CDK10: variants seen among roughly 807,000 people sequenced by gnomAD.
CDK10 encodes cyclin-dependent kinase 10.
CDK10 carries 55 observed loss-of-function variants against 51.0 expected under a neutral mutation model. The ratio of observed to expected loss-of-function variants is 1.08; its 90% CI spans 0.87 to 1.35. The LOEUF is 1.35. Among genes scored for constraint, CDK10 ranks in the 40% most tolerant of loss-of-function variants. CDK10 has a pLI of 0.00. For missense variants in CDK10, 589 were observed against 485.1 expected (o/e 1.21, Z -2.01); for synonymous variants, 255 against 199.1 (o/e 1.28, Z -2.36).
At chr16:89,693,604 G>A in intron 8 of CDK10, 137 bp downstream of exon 8, 1 of 836,614 alleles carries the variant, frequency 1.2e-6, no homozygotes, top group Non-Finnish European at 1.9e-6. Flanking sequence ...AGAAACGTTG[G>A]GTCTAGGACA....
intron 1 of CDK10, 151 bp downstream of exon 1, chr16:89,686,948 C>G (rs1419235362): frequency 3.1e-6 from 2 of 647,474 alleles, no homozygotes; most frequent in African/African-American, 2.0e-5. Context: ...GGGGCGGAAG[C>G]CGGGGCGGGG....
At chr16:89,694,851 CCGCCCG>C in intron 10 of CDK10, 63 bp downstream of exon 10, 2 of 1,517,654 alleles carry the variant, frequency 1.3e-6, no homozygotes, top group African/African-American at 1.4e-5. Context: ...CCCGCAGCCC[CCGCCCG>C]TGCCCACGCC....
At chr16:89,686,958 G>T in intron 1 of CDK10, 161 bp downstream of exon 1, 1 of 604,224 alleles carries the variant, frequency 1.7e-6, no homozygotes, top group Non-Finnish European at 2.8e-6. Flanking sequence ...CCGGGGCGGG[G>T]CGGGCTCAGG....
At chr16:89,693,494 C>T (rs757964939) in intron 8 of CDK10, 27 bp downstream of exon 8, 6 of 1,610,938 alleles carry the variant, frequency 3.7e-6, no homozygotes, top group Non-Finnish European at 4.2e-6. Flanking sequence ...CATGGTGGCC[C>T]CTGGGGACCA....
intron 2 of CDK10, 35 bp downstream of exon 2, chr16:89,689,359 T>G (rs750540521): frequency 1.3e-6 from 2 of 1,589,282 alleles, no homozygotes; most frequent in East Asian, 4.5e-5. Context: ...TGGCCGCAGC[T>G]CGTGGCTGTG....
At chr16:89,692,560 G>C (rs2060499659) in intron 6 of CDK10, 44 bp downstream of exon 6, 1 of 1,474,354 alleles carries the variant, frequency 6.8e-7, no homozygotes, top group African/African-American at 1.4e-5. Context: ...ATTCGGCTGA[G>C]GCCTAACTCT....
At chr16:89,694,082 C>T (rs1208609820) in intron 8 of CDK10, 91 bp from the exon 9 acceptor site, 7 of 1,333,416 alleles carry the variant, frequency 5.2e-6, no homozygotes, top group African/African-American at 2.9e-5. Flanking sequence ...GTTTCCAGGC[C>T]ACCACAGGCT....
At chr16:89,694,846 AGCCCCCGCCCGTGCCCACGCCCTCTGCG>A in intron 10 of CDK10, 57 bp from the exon 11 acceptor site, 2 of 1,490,436 alleles carry the variant, frequency 1.3e-6, no homozygotes, top group Non-Finnish European at 1.8e-6. Context: ...CTGCGCCCGC[AGCCCCCGCCCGTGCCCACGCCCTCTGCG>A]CCCGCAGCCC....
rs1567522469 is a variant in CDK10 at position 89,694,206 on chromosome 16, C to G, written c.642C>G (p.Thr214=). 3 of 1,614,080 alleles carry G rather than the reference C, an allele frequency of 1.9e-6. No homozygotes were observed. The highest frequency in any genetic ancestry group is 2.7e-5 in the African/African-American group (2 of 75,002). ...CCCCTGAACTGCTGTTGGGAACCAC[C>G]ACGCAGACCACCAGCATCGACATGT... is the stretch of plus-strand genomic sequence containing the variant. ...YRAPELLLGT[T]TQTTSIDMWA... Residue 214 remains threonine, a synonymous_variant, in exon 9 of 13, where the codon ACC becomes ACG. Coordinates refer to ENST00000353379, the MANE Select transcript of CDK10 (RefSeq NM_052988.5).
chr16:89,693,482 A>T lies in CDK10; in HGVS notation c.608+15A>T, dbSNP rs767733704. Reference sequence around the variant, plus strand: ...GTCACTCTCTGGTAAGTCCTTCTGAAGCATGGTGGCCCCTGGGGACCAGGC... The same window carrying T: ...GTCACTCTCTGGTAAGTCCTTCTGATGCATGGTGGCCCCTGGGGACCAGGC... On this transcript the variant is annotated intron_variant, in intron 8 of 12. Coordinates refer to ENST00000353379, the MANE Select transcript of CDK10 (RefSeq NM_052988.5). 49 of 1,613,482 alleles carry T rather than the reference A, an allele frequency of 3.0e-5. No individual in the cohort carries two copies. Among genetic ancestry groups the T allele is most frequent in the Admixed American group, 8.3e-5 (5 of 60,004 alleles).
chr16:89,686,868 C>T (rs1261148736), intron 1 of CDK10, 71 bp downstream of exon 1: 6 of 1,334,716 alleles, frequency 4.5e-6, no homozygotes, highest in Non-Finnish European at 5.2e-6. Flanking sequence ...TCTGGGGAGC[C>T]TCGTGTCGCG....
At chr16:89,687,473 C>G (rs1012866499) in intron 1 of CDK10, 2 of 456,214 alleles carry the variant, frequency 4.4e-6, no homozygotes, top group Non-Finnish European at 8.8e-6. Flanking sequence ...ACAACAGGAG[C>G]CACACTTTAC....
chr16:89,694,596 G>C, intron 9 of CDK10, 69 bp from the exon 10 acceptor site: 1 of 1,546,694 alleles, frequency 6.5e-7, no homozygotes, highest in Non-Finnish European at 8.7e-7. Context: ...CTGCAGTCAG[G>C]TCCTCTGTTC....
intron 1 of CDK10, chr16:89,687,885 T>C (rs1036854901): frequency 3.1e-6 from 1 of 324,142 alleles, no homozygotes; most frequent in South Asian, 2.5e-5. Flanking sequence ...GGCCAGATGC[T>C]TCTGACTCGG....
At chr16:89,690,947 G>A (rs748087242) in intron 3 of CDK10, among the ~76,000 whole-genome samples, 6 of 152,144 alleles carry the variant, frequency 3.9e-5, no homozygotes, top group Admixed American at 2.0e-4. Flanking sequence ...GATGTCCACG[G>A]TGTTTAGAGA....
Position 89,694,852 on chromosome 16 carries a change from CGCCCGT to C in CDK10, c.792+69_793-69del, listed in dbSNP as rs1447642163. The C allele has an allele frequency of 1.4e-4, 208 of 1,519,842 alleles. 1 individual carries two copies. Among genetic ancestry groups the C allele is most frequent in the Middle Eastern group, 1.2e-3 (6 of 4,830 alleles). 94.1% of individuals were successfully genotyped at this position (1,519,842 alleles called of 1,614,324 possible). On this transcript the variant is annotated intron_variant, in intron 10 of 12. Transcript: ENST00000353379. ...CCACGCCCTCTGCGCCCGCAGCCCCCGCCCGTGCCCACGCCCTCTGCGCCCGCAGCC... is the reference window on the plus strand; with the variant it reads ...CCACGCCCTCTGCGCCCGCAGCCCCCGCCCACGCCCTCTGCGCCCGCAGCC...
chr16:89,686,827 C>T (rs770019464), intron 1 of CDK10, 30 bp downstream of exon 1: 68 of 1,580,310 alleles, frequency 4.3e-5, no homozygotes, highest in Non-Finnish European at 5.2e-6. Context: ...GGCAGCTCTG[C>T]CCGCCTCGCT....
Position 89,694,680 on chromosome 16 carries a change from A to G in CDK10, c.684A>G (p.Ile228Met), listed in dbSNP as rs753881294. The change falls in exon 10 of 13, where the codon ATA becomes ATG. Residue 228 changes from isoleucine (I) to methionine (M), a missense_variant. Coordinates refer to ENST00000353379, the MANE Select transcript of CDK10 (RefSeq NM_052988.5). ...TSIDMWAVGC[I>M]LAELLAHRPL... ...TTCTCTGCAGGGCTGTGGGCTGCATACTGGCCGAGCTGCTGGCGCACAGGC... is the reference window on the plus strand; with the variant it reads ...TTCTCTGCAGGGCTGTGGGCTGCATGCTGGCCGAGCTGCTGGCGCACAGGC... 4.4e-6 allele frequency: 7 copies of G among 1,589,536 alleles called. No homozygotes were observed. Among genetic ancestry groups the G allele is most frequent in the South Asian group, 2.3e-5 (2 of 87,310 alleles).
intron 9 of CDK10, 36 bp from the exon 10 acceptor site, chr16:89,694,629 A>G (rs2060615446): frequency 6.4e-7 from 1 of 1,567,408 alleles, no homozygotes; most frequent in Non-Finnish European, 8.6e-7. Context: ...GGGTCAGCAG[A>G]CGTCTGGCCG....
Sources: allele counts gnomAD v4.1 joint callset (sites outside exome capture counted in the v4.1 genomes callset), GRCh38; gene constraint gnomAD v4.1.1; transcripts MANE v1.5; gene names NCBI Gene and HGNC (gene_info 2026-07-23, HGNC 2026-07-21).